Variants in PIGU observed in about 807,000 individuals in gnomAD.
The protein encoded by PIGU is phosphatidylinositol glycan anchor biosynthesis class U.
In PIGU, 24 loss-of-function variants were observed where a neutral mutation model predicts 49.9. The ratio of observed to expected loss-of-function variants is 0.48; its 90% CI spans 0.35 to 0.68. PIGU has a LOEUF of 0.68. Ranked by LOEUF, PIGU falls within the 30% of genes least tolerant of loss-of-function variation. The pLI, the probability that PIGU is intolerant of heterozygous loss-of-function variation, is 0.01. For missense variants in PIGU, 490 were observed against 532.6 expected (o/e 0.92, Z 0.79); for synonymous variants, 220 against 205.7 (o/e 1.07, Z -0.59).
At chr20:34,586,686 T>C (rs1380764369) in intron 8 of PIGU, among the ~76,000 whole-genome samples, 1 of 152,190 alleles carries the variant, frequency 6.6e-6, no homozygotes, top group Non-Finnish European at 1.5e-5. Context: ...CATTCGGAAA[T>C]GTTTATAGAA....
chr20:34,588,572 G>A lies in PIGU; in HGVS notation c.663C>T (p.Ala221=), dbSNP rs1983800852. 6.2e-7 allele frequency: 1 copy of A among 1,613,924 alleles called. No homozygotes were observed. The highest frequency in any genetic ancestry group is 1.7e-5 in the Admixed American group (1 of 59,996). The change falls in exon 8 of 12, where the codon GCC becomes GCT. Residue 221 remains alanine (A), a synonymous_variant. Coordinates refer to ENST00000217446, the MANE Select transcript of PIGU (RefSeq NM_080476.5). ...CATACTCCCAAGAAAAGATCCAGAA[G>A]GCTTTGCTCTTCATTTTCACAGGTA... ...QYIPVKMKSK[A]FWIFSWEYAM... is the part of the protein sequence containing the mutation.
At chr20:34,622,190 T>C (rs748525922) in intron 6 of PIGU, among the ~76,000 whole-genome samples, 14 of 152,286 alleles carry the variant, frequency 9.2e-5, no homozygotes, top group Admixed American at 5.2e-4. Context: ...TAATGAGTTA[T>C]ACATTTTTCC....
At chr20:34,666,087 G>GAA (rs543933953) in intron 1 of PIGU, among the ~76,000 whole-genome samples, 119 of 152,084 alleles carry the variant, frequency 7.8e-4, no homozygotes, top group Non-Finnish European at 1.5e-3. Flanking sequence ...TCGGGAAGCT[G>GAA]AGACAGGAGA....
intron 6 of PIGU, among the ~76,000 whole-genome samples, chr20:34,616,474 C>G (rs1055994934): frequency 6.6e-6 from 1 of 152,212 alleles, no homozygotes; most frequent in Non-Finnish European, 1.5e-5. Flanking sequence ...CATGTCCTAT[C>G]TAATGTACCA....
intron 2 of PIGU, among the ~76,000 whole-genome samples, chr20:34,656,961 G>A (rs1281569926): frequency 2.6e-5 from 4 of 152,150 alleles, no homozygotes; most frequent in South Asian, 2.1e-4. Context: ...TTCTACAGAA[G>A]CCTCATCTGC....
chr20:34,656,715 G>A (rs1286810068), intron 2 of PIGU, among the ~76,000 whole-genome samples: 3 of 149,606 alleles, frequency 2.0e-5, no homozygotes, highest in East Asian at 2.0e-4. Context: ...GCAGTGAACC[G>A]TGATTGTGTC....
chr20:34,581,686 G>A lies in PIGU; in HGVS notation c.927-14C>T. On this transcript the variant is annotated splice_polypyrimidine_tract_variant and intron_variant, in intron 9 of 11. Coordinates refer to ENST00000217446, the MANE Select transcript of PIGU (RefSeq NM_080476.5). ...ATGGGGTGCTCCCTGGGGCAGGGCA[G>A]GGGAAAGAGAGAGAGAGATGAGTCA... 1.3e-6 allele frequency: 2 copies of A among 1,590,584 alleles called. No individual in the cohort carries two copies. The highest frequency in any genetic ancestry group is 1.5e-5 in the African/African-American group (1 of 68,852).
chr20:34,668,188 C>A (rs910211250), intron 1 of PIGU, among the ~76,000 whole-genome samples: 1 of 151,974 alleles, frequency 6.6e-6, no homozygotes, highest in Admixed American at 6.6e-5. Context: ...TGTGGCCAGG[C>A]GCGGTGGCTC....
At chr20:34,612,957 A>T (rs1984876741) in intron 7 of PIGU, among the ~76,000 whole-genome samples, 1 of 152,256 alleles carries the variant, frequency 6.6e-6, no homozygotes, top group East Asian at 1.9e-4. Context: ...ATGGACTAAT[A>T]CACCAGGCTA....
chr20:34,571,201 T>C (rs1983000011), intron 11 of PIGU, among the ~76,000 whole-genome samples: 2 of 152,208 alleles, frequency 1.3e-5, no homozygotes, highest in African/African-American at 4.8e-5. Flanking sequence ...CCACCATGGA[T>C]GGTTTACTGT....
chr20:34,585,037 G>A (rs1983642774), intron 9 of PIGU, among the ~76,000 whole-genome samples: 1 of 152,148 alleles, frequency 6.6e-6, no homozygotes, highest in Admixed American at 6.5e-5. Flanking sequence ...ATCTTGCTAT[G>A]TTGTCCAGGC....
At chr20:34,646,072 A>AT (rs1293899599) in intron 2 of PIGU, among the ~76,000 whole-genome samples, 1 of 151,806 alleles carries the variant, frequency 6.6e-6, no homozygotes, top group Non-Finnish European at 1.5e-5. Context: ...TTTGTATAAT[A>AT]TTTTTTTCTT....
intron 11 of PIGU, among the ~76,000 whole-genome samples, 179 bp from the exon 12 acceptor site, chr20:34,561,158 G>T (rs1054277760): frequency 2.0e-5 from 3 of 152,122 alleles, no homozygotes; most frequent in Non-Finnish European, 4.4e-5. Flanking sequence ...ACCCTGCAAG[G>T]TCTGGCCTCT....
At chr20:34,645,033 T>G (rs1291433756) in intron 3 of PIGU, among the ~76,000 whole-genome samples, 1 of 151,720 alleles carries the variant, frequency 6.6e-6, no homozygotes, top group South Asian at 2.1e-4. Context: ...AGTTCCTATG[T>G]TTTTTGTTTT....
At chr20:34,644,954 T>C (rs1986284856) in intron 3 of PIGU, among the ~76,000 whole-genome samples, 1 of 152,236 alleles carries the variant, frequency 6.6e-6, no homozygotes, top group South Asian at 2.1e-4. Flanking sequence ...ACTTCCATAA[T>C]ACTGCCACAG....
At chr20:34,604,039 C>A (rs1350728718) in intron 7 of PIGU, among the ~76,000 whole-genome samples, 1 of 152,112 alleles carries the variant, frequency 6.6e-6, no homozygotes, top group African/African-American at 2.4e-5. Context: ...AAAATTTCCA[C>A]ATGAATTTTT....
At chr20:34,618,020 C>T (rs913199939) in intron 6 of PIGU, among the ~76,000 whole-genome samples, 1 of 152,100 alleles carries the variant, frequency 6.6e-6, no homozygotes, top group Non-Finnish European at 1.5e-5. Context: ...GATTGTGAGA[C>T]CTTCCCCAGC....
rs540797656 is a variant in PIGU, at chr20:34,627,003, T to C, written c.529+7612A>G. 1.7e-4 allele frequency among the ~76,000 whole-genome samples: 26 copies of C among 152,256 alleles called. No individual in the cohort carries two copies. The South Asian group carries it at 4.8e-3, about 28-fold the overall frequency. Reference sequence around the variant, plus strand: ...TTATAACTGAACTAACTATATTATATATACTGTTAGCAGAGATTACTAAAA... The same window carrying C: ...TTATAACTGAACTAACTATATTATACATACTGTTAGCAGAGATTACTAAAA... On this transcript the variant is annotated intron_variant, in intron 6 of 11. Coordinates refer to ENST00000217446, the MANE Select transcript of PIGU (RefSeq NM_080476.5).
intron 5 of PIGU, among the ~76,000 whole-genome samples, chr20:34,635,745 C>T (rs1482782534): frequency 6.6e-6 from 1 of 151,972 alleles, no homozygotes; most frequent in Non-Finnish European, 1.5e-5. Context: ...CGTGGTGGCA[C>T]ATGCCTGTAA....
Sources: allele counts gnomAD v4.1 joint callset (sites outside exome capture counted in the v4.1 genomes callset), GRCh38; gene constraint gnomAD v4.1.1; transcripts MANE v1.5; gene names NCBI Gene and HGNC (gene_info 2026-07-23, HGNC 2026-07-21).